Variants in NUP188 observed in about 807,000 individuals in gnomAD.
The protein encoded by NUP188 is nucleoporin 188, also known as nucleoporin NUP188.
A neutral mutation model predicts 223.0 loss-of-function variants in NUP188; 97 were observed. That is an observed-to-expected ratio of 0.43 (90% confidence interval 0.37 to 0.51). NUP188 has a LOEUF of 0.51. Ranked by LOEUF, NUP188 falls within the 20% of genes least tolerant of loss-of-function variation. The pLI is 0.00. For synonymous variants in NUP188, 869 were observed against 828.0 expected (o/e 1.05, Z -0.85); for missense variants, 1,947 against 2,175.6 (o/e 0.89, Z 2.09).
chr9:128,957,109 G>A, intron 5 of NUP188, 77 bp downstream of exon 5: 1 of 1,016,428 alleles, frequency 9.8e-7, no homozygotes, highest in Non-Finnish European at 1.5e-6. Context: ...TAGGATTTTG[G>A]CACCAATTCT....
intron 34 of NUP188, 52 bp downstream of exon 34, chr9:128,999,857 T>G: frequency 1.3e-6 from 2 of 1,543,088 alleles, no homozygotes; most frequent in Non-Finnish European, 1.8e-6. Flanking sequence ...CCGCCAGCTC[T>G]GTGCCTGACT....
intron 14 of NUP188, 50 bp downstream of exon 14, chr9:128,980,775 G>A: frequency 6.3e-7 from 1 of 1,588,240 alleles, no homozygotes; most frequent in Non-Finnish European, 8.6e-7. Context: ...TCTTTATGGA[G>A]ACTTTATTAG....
chr9:128,972,863 A>G (rs1462588147), intron 11 of NUP188, among the ~76,000 whole-genome samples: 1 of 152,164 alleles, frequency 6.6e-6, no homozygotes, highest in Non-Finnish European at 1.5e-5. Context: ...CCATTACCAC[A>G]TGCAGACTGT....
At position 128,982,608 on chromosome 9, in the gene NUP188, A is replaced by G. The variant is rs762946328; in HGVS notation, c.1576A>G (p.Arg526Gly). The change falls in exon 16 of 44, where the codon AGG becomes GGG. Residue 526 changes from arginine (R) to glycine (G), a missense_variant. Coordinates refer to ENST00000372577, the MANE Select transcript of NUP188 (RefSeq NM_015354.3). ...TGTGGGCCAAGTAATGTTGGATGAT[A>G]GGGCATACCTGGTACGCTGGGAATA... The part of the protein sequence containing the change: ...GTVGQVMLDD[R>G]AYLVRWEYSY... The G allele has an allele frequency of 1.2e-6, 2 of 1,614,112 alleles. No individual in the cohort carries two copies. Among genetic ancestry groups the G allele is most frequent in the Admixed American group, 3.3e-5 (2 of 59,998 alleles).
rs1198984319 is a variant in NUP188, at chr9:128,990,179, C to G, written c.2593C>G (p.Pro865Ala). 1 of 1,614,182 alleles carries G rather than the reference C, an allele frequency of 6.2e-7. No homozygotes were observed. The highest frequency in any genetic ancestry group is 2.2e-5 in the East Asian group (1 of 44,892). Reference protein sequence around the residue: ...LAKYIYHKHDPALPRLAIQLL... With the variant: ...LAKYIYHKHDAALPRLAIQLL... ...CAAATACATCTACCACAAACATGAC[C>G]CTGCTTTGCCACGTCTTGCCATTCA... Residue 865 changes from proline to alanine, a missense_variant, in exon 25 of 44, where the codon CCT (proline) becomes GCT (alanine). Transcript: ENST00000372577.
chr9:129,001,735 A>C lies in NUP188; in HGVS notation c.4044+6A>C, dbSNP rs12336276. 0.12 allele frequency: 186,149 copies of C among 1,612,086 alleles called. 14,930 individuals carry two copies. The highest frequency in any genetic ancestry group is 0.34 in the African/African-American group (25,414 of 74,918). On this transcript the variant is annotated splice_donor_region_variant and intron_variant, in intron 35 of 43. Coordinates refer to ENST00000372577, the MANE Select transcript of NUP188 (RefSeq NM_015354.3). Reference sequence around the variant, plus strand: ...CCCTGGCTCGCACTCAGCAGGTAGGAGGCCAGCCCGAAGGCAGGAGGGAGC... The same window carrying C: ...CCCTGGCTCGCACTCAGCAGGTAGGCGGCCAGCCCGAAGGCAGGAGGGAGC...
intron 38 of NUP188, chr9:129,003,923 G>A (rs1842725207): frequency 3.6e-6 from 1 of 279,274 alleles, no homozygotes; most frequent in Non-Finnish European, 6.8e-6. Context: ...CAGTGAGCTA[G>A]GATCGAACCA....
In NUP188 at chr9:129,005,297, C is replaced by A. The variant is rs761731070; in HGVS notation, c.4510-6C>A. 6.2e-7 allele frequency: 1 copy of A among 1,613,982 alleles called. No individual in the cohort carries two copies. Among genetic ancestry groups the A allele is most frequent in the South Asian group, 1.1e-5 (1 of 91,084 alleles). On this transcript the variant is annotated splice_polypyrimidine_tract_variant and splice_region_variant and intron_variant, in intron 39 of 43. Coordinates refer to ENST00000372577, the MANE Select transcript of NUP188 (RefSeq NM_015354.3). ...AGCTCCACCTTCATTTCTTGACTCT[C>A]CTTAGAACAAAAATGGGGATGGCCT...
intron 37 of NUP188, 147 bp from the exon 38 acceptor site, chr9:129,003,170 C>A: frequency 2.6e-6 from 3 of 1,160,662 alleles, no homozygotes; most frequent in Non-Finnish European, 2.4e-6. Context: ...GGTCTCGGGT[C>A]AGAATCCTGG....
At chr9:128,947,933 G>C (rs1413308404) in intron 1 of NUP188, 182 bp downstream of exon 1, 4 of 449,070 alleles carry the variant, frequency 8.9e-6, no homozygotes, top group Non-Finnish European at 1.1e-5. Flanking sequence ...GGGATCTGAA[G>C]AGTCTTCTTC....
chr9:128,963,346 C>T (rs1368022331), intron 8 of NUP188, among the ~76,000 whole-genome samples: 1 of 141,662 alleles, frequency 7.1e-6, no homozygotes. Context: ...AGTTCAGTGG[C>T]GCGATTTCGA....
At position 128,956,987 on chromosome 9, in the gene NUP188, G is replaced by A; in HGVS notation, c.282G>A (p.Gln94=). 6.2e-7 allele frequency: 1 copy of A among 1,613,484 alleles called. No individual in the cohort carries two copies. Among genetic ancestry groups the A allele is most frequent in the Non-Finnish European group, 8.5e-7 (1 of 1,179,704 alleles). Residue 94 remains glutamine (Q), a synonymous_variant, in exon 5 of 44, where the codon CAG becomes CAA. Transcript: ENST00000372577. ...AAGAACAGAGTGTGCAGTTACTCCA[G>A]TGTTACCTGCAAGAGGACTACAGGG... ...LDEEQSVQLL[Q]CYLQEDYRGT...
chr9:129,003,244 C>G, intron 37 of NUP188, 73 bp from the exon 38 acceptor site: 1 of 1,535,964 alleles, frequency 6.5e-7, no homozygotes, highest in Non-Finnish European at 8.7e-7. Context: ...TGCCTCTCCA[C>G]AGGAGGGTAG....
chr9:128,989,785 TCGTGCCACTGCA>T lies in NUP188; in HGVS notation c.2534-333_2534-322del, dbSNP rs1422179092. ...GAGGTGGAGGTGCAGTGAGTCGAGATCGTGCCACTGCACTTCAGCCTGGGTGACTGAGTGAGA... is the reference window on the plus strand; with the variant it reads ...GAGGTGGAGGTGCAGTGAGTCGAGATCTTCAGCCTGGGTGACTGAGTGAGA... On this transcript the variant is annotated intron_variant, in intron 24 of 43. Coordinates refer to ENST00000372577, the MANE Select transcript of NUP188 (RefSeq NM_015354.3). 5.3e-5 allele frequency among the ~76,000 whole-genome samples: 8 copies of T among 152,280 alleles called. No individual in the cohort carries two copies. In the East Asian group the frequency reaches 1.5e-3, roughly 29 times the overall value.
At chr9:128,986,045 C>T (rs536335813) in intron 20 of NUP188, among the ~76,000 whole-genome samples, 4 of 149,050 alleles carry the variant, frequency 2.7e-5, no homozygotes, top group South Asian at 2.1e-4. Flanking sequence ...ATCTTGGGGG[C>T]GAAAAAAAAG....
At chr9:128,953,857 G>T (rs967661309) in intron 3 of NUP188, among the ~76,000 whole-genome samples, 3 of 151,668 alleles carry the variant, frequency 2.0e-5, no homozygotes, top group Non-Finnish European at 2.9e-5. Context: ...TTGAGATGGG[G>T]TTTTGCTCTG....
At chr9:128,955,764 A>C (rs1029985480) in intron 3 of NUP188, among the ~76,000 whole-genome samples, 5 of 151,814 alleles carry the variant, frequency 3.3e-5, no homozygotes, top group Non-Finnish European at 5.9e-5. Context: ...TGACTCTAGA[A>C]TCAACCAATT....
At chr9:128,953,496 A>C (rs191922011) in intron 3 of NUP188, among the ~76,000 whole-genome samples, 1 of 152,204 alleles carries the variant, frequency 6.6e-6, no homozygotes, top group Admixed American at 6.5e-5. Context: ...CTGCTTTTGA[A>C]TGTATTACAT....
At chr9:128,969,066 A>G (rs1185435336) in intron 9 of NUP188, among the ~76,000 whole-genome samples, 2 of 152,204 alleles carry the variant, frequency 1.3e-5, no homozygotes, top group Non-Finnish European at 2.9e-5. Flanking sequence ...GTGATAGTCT[A>G]TGGACTTTAA....
Sources: allele counts gnomAD v4.1 joint callset (sites outside exome capture counted in the v4.1 genomes callset), GRCh38; gene constraint gnomAD v4.1.1; transcripts MANE v1.5; gene names NCBI Gene and HGNC (gene_info 2026-07-23, HGNC 2026-07-21).